STXBP5: variants seen among roughly 807,000 people sequenced by gnomAD.
STXBP5 encodes the protein syntaxin-binding protein 5.
STXBP5 carries 50 observed loss-of-function variants against 152.4 expected under a neutral mutation model. The observed-to-expected ratio is 0.33, with a 90% CI of 0.26 to 0.42. STXBP5 has a LOEUF of 0.42. STXBP5 is among the 10% of genes least tolerant of loss of function. The pLI is 1.00. For synonymous variants in STXBP5, 492 were observed against 494.7 expected, an observed-to-expected ratio of 0.99 and a Z score of 0.07; for missense variants, 1,167 against 1,388.6, an observed-to-expected ratio of 0.84 and a Z score of 2.54.
chr6:147,238,114 A>C (rs956194984), intron 3 of STXBP5, among the ~76,000 whole-genome samples: 1 of 152,176 alleles, frequency 6.6e-6, no homozygotes, highest in South Asian at 2.1e-4. Context: ...TTCTGTTGCT[A>C]CAACTGAATA....
intron 8 of STXBP5, 40 bp downstream of exon 8, chr6:147,278,244 G>T (rs199824356): frequency 5.3e-6 from 8 of 1,518,858 alleles, no homozygotes; most frequent in Non-Finnish European, 3.6e-6. Flanking sequence ...TAATTGTAAC[G>T]TACAGTAAAC....
chr6:147,361,000 T>G (rs566444366), intron 23 of STXBP5, among the ~76,000 whole-genome samples: 51 of 152,202 alleles, frequency 3.4e-4, no homozygotes, highest in Non-Finnish European at 6.5e-4. Flanking sequence ...TTTTGCTCTA[T>G]AAGTGCTTGA....
intron 10 of STXBP5, among the ~76,000 whole-genome samples, chr6:147,310,535 GAT>G: frequency 6.7e-6 from 1 of 149,308 alleles, no homozygotes; most frequent in East Asian, 1.9e-4. Flanking sequence ...GAAAGTGATT[GAT>G]TGATTGATTG....
At chr6:147,321,491 C>G (rs1782933048) in intron 16 of STXBP5, among the ~76,000 whole-genome samples, 1 of 152,046 alleles carries the variant, frequency 6.6e-6, no homozygotes, top group African/African-American at 2.4e-5. Context: ...GGAGGATTGC[C>G]TGAGCCCAGG....
At chr6:147,233,656 T>TAGATTAGA (rs1778124032) in intron 2 of STXBP5, among the ~76,000 whole-genome samples, 1 of 151,698 alleles carries the variant, frequency 6.6e-6, no homozygotes, top group Non-Finnish European at 1.5e-5. Context: ...TTAGACTCAC[T>TAGATTAGA]ATACTGGGTA....
At position 147,213,220 on chromosome 6, in the gene STXBP5, T is replaced by C. The variant is rs1040795050; in HGVS notation, c.248+7152T>C. 3.9e-5 allele frequency among the ~76,000 whole-genome samples: 6 copies of C among 152,178 alleles called. No homozygotes were observed. In the East Asian group the frequency reaches 1.2e-3, roughly 29 times the overall value. On this transcript the variant is annotated intron_variant, in intron 2 of 27. Coordinates refer to ENST00000321680, the MANE Select transcript of STXBP5 (RefSeq NM_001127715.4). ...CTTAATTGTTGGATCAATTTGGCTT[T>C]ACCTTTATGCACTGGAAGAGGCAAT...
chr6:147,364,982 G>A (rs1785229907), intron 25 of STXBP5, among the ~76,000 whole-genome samples: 1 of 152,110 alleles, frequency 6.6e-6, no homozygotes, highest in African/African-American at 2.4e-5. Flanking sequence ...TCATAAACAA[G>A]TTACTCAGTG....
intron 25 of STXBP5, among the ~76,000 whole-genome samples, chr6:147,372,775 G>A (rs1000120983): frequency 6.6e-6 from 1 of 151,710 alleles, no homozygotes; most frequent in Non-Finnish European, 1.5e-5. Flanking sequence ...TCCTCTTTTT[G>A]TATTGTCAAC....
intron 2 of STXBP5, among the ~76,000 whole-genome samples, chr6:147,233,843 C>T (rs891344543): frequency 6.7e-6 from 1 of 150,286 alleles, no homozygotes; most frequent in Non-Finnish European, 1.5e-5. Flanking sequence ...ACTACTACTA[C>T]TACTATTACT....
chr6:147,242,181 A>C (rs1197770840), intron 4 of STXBP5, among the ~76,000 whole-genome samples: 1 of 152,008 alleles, frequency 6.6e-6, no homozygotes, highest in East Asian at 1.9e-4. Flanking sequence ...TAAAAAAAAA[A>C]AAAAAGTTTA....
At chr6:147,255,666 A>C (rs1436479946) in intron 4 of STXBP5, among the ~76,000 whole-genome samples, 1 of 151,998 alleles carries the variant, frequency 6.6e-6, no homozygotes, top group Non-Finnish European at 1.5e-5. Flanking sequence ...TACAGGCATG[A>C]ATCTCCAAAC....
At position 147,316,251 on chromosome 6, in the gene STXBP5, A is replaced by G. The variant is rs538943058; in HGVS notation, c.1646A>G (p.Tyr549Cys). ...CAGATGCTTGAAGTTCGATTATTAT[A>G]TGAGATAAATGATGTGGAAACTCCG... ...VIPMLEVRLL[Y>C]EINDVETPEG... The change falls in exon 16 of 28, where the codon TAT becomes TGT. Residue 549 changes from tyrosine to cysteine, a missense_variant. By Grantham distance (194) the Tyr-to-Cys change is radical. Transcript: ENST00000321680. 5.1e-5 allele frequency: 82 copies of G among 1,613,950 alleles called. No homozygotes were observed. In the South Asian group the frequency reaches 7.2e-4, roughly 14 times the overall value.
chr6:147,342,916 G>C (rs1784156118), intron 21 of STXBP5, among the ~76,000 whole-genome samples: 1 of 152,014 alleles, frequency 6.6e-6, no homozygotes, highest in Non-Finnish European at 1.5e-5. Context: ...CATGCTAAAA[G>C]TAGATTTCTA....
Position 147,327,034 on chromosome 6 carries a change from C to T in STXBP5, c.1929-91C>T, listed in dbSNP as rs1364166129. On this transcript the variant is annotated intron_variant, in intron 17 of 27. Coordinates refer to ENST00000321680, the MANE Select transcript of STXBP5 (RefSeq NM_001127715.4). The stretch of plus-strand genomic sequence containing the variant: ...TTCAAAGAATTTTCTGAAAGACCCA[C>T]CATGCTTCTTTCTTCAGCCTTATAG... 16 of 1,203,936 alleles carry T rather than the reference C, an allele frequency of 1.3e-5. No homozygotes were observed. The East Asian group carries it at 3.6e-4, about 27-fold the overall frequency. 74.6% of individuals were successfully genotyped at this position (1,203,936 alleles called of 1,614,324 possible). A position where few individuals can be genotyped will look rare whatever the true frequency, so the allele number is the denominator to read the frequency against.
chr6:147,336,193 A>C (rs972393579), intron 19 of STXBP5, among the ~76,000 whole-genome samples: 18 of 152,190 alleles, frequency 1.2e-4, no homozygotes, highest in African/African-American at 4.1e-4. Context: ...TTCAGATAGC[A>C]GGAGATAGCA....
chr6:147,208,698 G>A (rs1315493451), intron 2 of STXBP5, among the ~76,000 whole-genome samples: 1 of 152,008 alleles, frequency 6.6e-6, no homozygotes, highest in East Asian at 1.9e-4. Flanking sequence ...GTAAGATTAG[G>A]CTATTACAAT....
At chr6:147,296,065 A>G (rs937891185) in intron 9 of STXBP5, among the ~76,000 whole-genome samples, 4 of 151,864 alleles carry the variant, frequency 2.6e-5, no homozygotes, top group African/African-American at 9.7e-5. Flanking sequence ...CTACCCCCCA[A>G]AAAAAAACAG....
At position 147,266,951 on chromosome 6, in the gene STXBP5, A is replaced by G. The variant is rs745939763; in HGVS notation, c.631-133A>G. 19 of 726,842 alleles carry G rather than the reference A, an allele frequency of 2.6e-5. No individual in the cohort carries two copies. The Middle Eastern group carries it at 1.1e-3, about 43-fold the overall frequency. 45.0% of individuals were successfully genotyped at this position (726,842 alleles called of 1,614,324 possible). On this transcript the variant is annotated intron_variant, in intron 6 of 27. Transcript: ENST00000321680. ...TCATTTACGTGATTACTAATTAGCA[A>G]TGCAGATGTTTGTTTATATTATACA...
chr6:147,210,322 TATC>T (rs1389983242), intron 2 of STXBP5, among the ~76,000 whole-genome samples: 3 of 152,216 alleles, frequency 2.0e-5, no homozygotes, highest in Non-Finnish European at 4.4e-5. Flanking sequence ...TTTATTGTAT[TATC>T]ATTTTGGGAG....
Sources: allele counts gnomAD v4.1 joint callset (sites outside exome capture counted in the v4.1 genomes callset), GRCh38; gene constraint gnomAD v4.1.1; transcripts MANE v1.5; gene names NCBI Gene and HGNC (gene_info 2026-07-23, HGNC 2026-07-21).